The following NAALAD2 variants were observed in gnomAD, a reference collection of about 807,000 sequenced individuals.
NAALAD2 encodes the protein N-acetylated alpha-linked acidic dipeptidase 2, also known as N-acetylated-alpha-linked acidic dipeptidase 2.
A neutral mutation model predicts 95.6 loss-of-function variants in NAALAD2; 89 were observed. The ratio of observed to expected loss-of-function variants is 0.93; its 90% CI spans 0.78 to 1.11. The LOEUF is 1.11. NAALAD2 is among the 50% of genes least tolerant of loss of function. The probability of loss-of-function intolerance (pLI) is 0.00; values close to 1 mark genes in which losing one functional copy is unlikely to be tolerated. For missense variants in NAALAD2, 894 were observed against 872.4 expected, an observed-to-expected ratio of 1.02 and a Z score of -0.31; for synonymous variants, 264 against 294.4, an observed-to-expected ratio of 0.90 and a Z score of 1.06.
chr11:90,189,504 C>T (rs1383236147), intron 18 of NAALAD2, among the ~76,000 whole-genome samples: 1 of 152,142 alleles, frequency 6.6e-6, no homozygotes, highest in East Asian at 1.9e-4. Flanking sequence ...CATGGTGGCT[C>T]ACGCCTGTAA....
At position 90,163,586 on chromosome 11, in the gene NAALAD2, T is replaced by C; in HGVS notation, c.1247T>C (p.Phe416Ser). The change falls in exon 11 of 19, where the codon TTT becomes TCT. Residue 416 changes from phenylalanine (F) to serine (S), a missense_variant. Physicochemically the swap from Phe to Ser is radical, Grantham distance 155 (BLOSUM62 -2). Transcript: ENST00000534061. Reference protein sequence around the residue: ...IIFASWDAEEFGLLGSTEWAE... With the variant: ...IIFASWDAEESGLLGSTEWAE... Reference sequence around the variant, plus strand: ...TTTGCCAGCTGGGATGCAGAAGAATTTGGACTTCTGGGTTCCACAGAATGG... The same window carrying C: ...TTTGCCAGCTGGGATGCAGAAGAATCTGGACTTCTGGGTTCCACAGAATGG... 6.2e-7 allele frequency: 1 copy of C among 1,614,046 alleles called. No individual in the cohort carries two copies. The highest frequency in any genetic ancestry group is 8.5e-7 in the Non-Finnish European group (1 of 1,179,954).
intron 6 of NAALAD2, among the ~76,000 whole-genome samples, chr11:90,155,264 A>G (rs1437031397): frequency 2.4e-5 from 3 of 124,324 alleles, no homozygotes; most frequent in Admixed American, 2.0e-4. Flanking sequence ...ATATATGTAT[A>G]TAGAATGTAT....
chr11:90,187,948 C>T (rs973387288), intron 18 of NAALAD2, among the ~76,000 whole-genome samples: 1 of 151,978 alleles, frequency 6.6e-6, no homozygotes, highest in Non-Finnish European at 1.5e-5. Context: ...TTTAATTGAG[C>T]AAAGAATGAT....
In NAALAD2 at chr11:90,137,670, C is replaced by T. The variant is rs149720622; in HGVS notation, c.194+2000C>T. On this transcript the variant is annotated intron_variant, in intron 2 of 18. Coordinates refer to ENST00000534061, the MANE Select transcript of NAALAD2 (RefSeq NM_005467.4). ...CCAGGCTGGAGTACAGTGGTGCAAT[C>T]TCAGCTCACTGCAACCTCCATGTCC... Among the ~76,000 whole-genome samples, 91 of 152,260 alleles carry T rather than the reference C, an allele frequency of 6.0e-4. No individual in the cohort carries two copies. The East Asian group carries it at 0.015, about 26-fold the overall frequency.
At chr11:90,135,483 G>A (rs1951431447) in intron 1 of NAALAD2, 76 bp from the exon 2 acceptor site, 1 of 937,274 alleles carries the variant, frequency 1.1e-6, no homozygotes, top group African/African-American at 1.7e-5. Context: ...AAGGACAGAG[G>A]GGTGGCTTCT....
chr11:90,166,610 C>T (rs183066545), intron 11 of NAALAD2, among the ~76,000 whole-genome samples: 20 of 151,876 alleles, frequency 1.3e-4, no homozygotes, highest in African/African-American at 3.9e-4. Context: ...CCAAGGCGGG[C>T]GGATCACGAG....
rs1951916160 is a variant in NAALAD2, at chr11:90,152,502, C to A, written c.796+18C>A. 3 of 1,577,446 alleles carry A rather than the reference C, an allele frequency of 1.9e-6. No homozygotes were observed. The highest frequency in any genetic ancestry group is 2.6e-6 in the Non-Finnish European group (3 of 1,153,482). On this transcript the variant is annotated intron_variant, in intron 6 of 18. Transcript: ENST00000534061. ...AGCAAAAGGTAAGGGATGAGCCTATCAGTCCACCAATTTTGCAAAAATACT... is the reference window on the plus strand; with the variant it reads ...AGCAAAAGGTAAGGGATGAGCCTATAAGTCCACCAATTTTGCAAAAATACT...
intron 11 of NAALAD2, among the ~76,000 whole-genome samples, chr11:90,167,183 C>G (rs1001618061): frequency 7.9e-5 from 12 of 152,170 alleles, no homozygotes; most frequent in Non-Finnish European, 1.3e-4. Context: ...TTGCTGGGAG[C>G]TGTGGAGGGA....
chr11:90,179,902 T>C (rs1252363364), intron 16 of NAALAD2, among the ~76,000 whole-genome samples: 1 of 152,152 alleles, frequency 6.6e-6, no homozygotes, highest in Admixed American at 6.5e-5. Flanking sequence ...ACCATTACTA[T>C]TGGTGACTAT....
chr11:90,180,722 G>A (rs983333962), intron 16 of NAALAD2, among the ~76,000 whole-genome samples: 9 of 151,866 alleles, frequency 5.9e-5, no homozygotes, highest in African/African-American at 2.2e-4. Flanking sequence ...ATAAATTGTT[G>A]TAATAAAAAT....
At chr11:90,179,833 C>A (rs1253309912) in intron 16 of NAALAD2, among the ~76,000 whole-genome samples, 1 of 152,030 alleles carries the variant, frequency 6.6e-6, no homozygotes, top group African/African-American at 2.4e-5. Context: ...TACCTACTTA[C>A]CTTCTTAGAG....
upstream of NAALAD2, among the ~76,000 whole-genome samples, chr11:90,133,684 A>G (rs1408291742): frequency 6.6e-6 from 1 of 152,212 alleles, no homozygotes; most frequent in Non-Finnish European, 1.5e-5. Flanking sequence ...ATGGGCTTGA[A>G]GAATATGCAA....
In NAALAD2 at chr11:90,173,893, C is replaced by T. The variant is rs1252499349; in HGVS notation, c.1480C>T (p.Pro494Ser). ...YESWLEKDPS[P>S]ENKNLPRINK... ...AAGCTGGTTGGAAAAAGACCCTTCACCTGAAAATAAAAATTTGCCTAGGTA... is the reference window on the plus strand; with the variant it reads ...AAGCTGGTTGGAAAAAGACCCTTCATCTGAAAATAAAAATTTGCCTAGGTA... Residue 494 changes from proline (P) to serine (S), a missense_variant, in exon 14 of 19, where the codon CCT becomes TCT. Physicochemically the swap from Pro to Ser is moderately conservative, Grantham distance 74. Coordinates refer to ENST00000534061, the MANE Select transcript of NAALAD2 (RefSeq NM_005467.4). 1.2e-6 allele frequency: 2 copies of T among 1,612,070 alleles called. No individual in the cohort carries two copies. Among genetic ancestry groups the T allele is most frequent in the Admixed American group, 1.7e-5 (1 of 59,806 alleles).
intron 11 of NAALAD2, chr11:90,164,259 T>G (rs1450439671): frequency 6.6e-6 from 1 of 152,374 alleles, no homozygotes; most frequent in African/African-American, 2.4e-5. Context: ...TCTTAATTAT[T>G]TATATTTAAG....
chr11:90,155,939 T>C (rs974144976), intron 6 of NAALAD2, among the ~76,000 whole-genome samples: 1 of 146,156 alleles, frequency 6.8e-6, no homozygotes, highest in Non-Finnish European at 1.5e-5. Flanking sequence ...ATATGTGATC[T>C]ATTTATTCTC....
At position 90,191,831 on chromosome 11, in the gene NAALAD2, G is replaced by A. The variant is rs1381538854; in HGVS notation, c.*84G>A. ...CTTTCTGATAACTTATGAAGCCAGG[G>A]TGTTCTAAACTCTTTTCATGTCATG... is the stretch of plus-strand genomic sequence containing the variant. On this transcript the variant is annotated 3_prime_UTR_variant, in exon 19 of 19. Coordinates refer to ENST00000534061, the MANE Select transcript of NAALAD2 (RefSeq NM_005467.4). 8.8e-7 allele frequency: 1 copy of A among 1,135,426 alleles called. No individual in the cohort carries two copies. Among genetic ancestry groups the A allele is most frequent in the Non-Finnish European group, 1.2e-6 (1 of 841,808 alleles). 70.3% of individuals were successfully genotyped at this position (1,135,426 alleles called of 1,614,324 possible).
intron 18 of NAALAD2, among the ~76,000 whole-genome samples, chr11:90,188,745 G>A (rs1857234608): frequency 6.6e-6 from 1 of 152,154 alleles, no homozygotes; most frequent in African/African-American, 2.4e-5. Context: ...TTTTTGAGTT[G>A]TGGGTAATAT....
intron 18 of NAALAD2, 118 bp downstream of exon 18, chr11:90,183,126 T>C: frequency 1.5e-6 from 1 of 649,558 alleles, no homozygotes; most frequent in Non-Finnish European, 2.8e-6. Flanking sequence ...CTAGGGAATT[T>C]GGGTAAGATT....
intron 18 of NAALAD2, among the ~76,000 whole-genome samples, chr11:90,186,410 T>A (rs1857144632): frequency 1.3e-5 from 2 of 152,172 alleles, no homozygotes; most frequent in South Asian, 4.1e-4. Context: ...TGCCACATTT[T>A]CTTAATCCAG....
Sources: allele counts gnomAD v4.1 joint callset (sites outside exome capture counted in the v4.1 genomes callset), GRCh38; gene constraint gnomAD v4.1.1; transcripts MANE v1.5; gene names NCBI Gene and HGNC (gene_info 2026-07-23, HGNC 2026-07-21).